CDH13: variants seen among roughly 807,000 people sequenced by gnomAD.
The protein encoded by CDH13 is cadherin-13.
Under a neutral mutation model 63.8 loss-of-function variants are expected in CDH13, and 24 were observed. The ratio of observed to expected loss-of-function variants is 0.38; its 90% CI spans 0.27 to 0.53. CDH13 has a LOEUF of 0.53. Among genes scored for constraint, CDH13 ranks in the 20% least tolerant of loss-of-function variants. The probability of loss-of-function intolerance (pLI) is 0.85; values close to 1 mark genes in which losing one functional copy is unlikely to be tolerated. For synonymous variants in CDH13, 503 were observed against 355.3 expected, an observed-to-expected ratio of 1.42 and a Z score of -4.67; for missense variants, 1,049 against 903.1, an observed-to-expected ratio of 1.16 and a Z score of -2.07.
rs139605236 is a variant in CDH13, at chr16:82,894,413, G to T, written c.157+35940G>T. Among the ~76,000 whole-genome samples, 7 of 152,256 alleles carry T rather than the reference G, an allele frequency of 4.6e-5. 2 individuals are homozygous for T. The highest frequency in any genetic ancestry group is 1.7e-4 in the African/African-American group (7 of 41,566). ...TCCCAGCACTTTGAGAGGCTGAGGC[G>T]AGTGGATCACCTGAAGTCAAGAGTT... On this transcript the variant is annotated intron_variant, in intron 2 of 13. Coordinates refer to ENST00000567109, the MANE Select transcript of CDH13 (RefSeq NM_001257.5).
chr16:82,873,058 T>G (rs776454858), intron 2 of CDH13, among the ~76,000 whole-genome samples: 3 of 152,202 alleles, frequency 2.0e-5, no homozygotes, highest in Non-Finnish European at 4.4e-5. Flanking sequence ...TAGAGATTTC[T>G]GCATGGCTGC....
intron 5 of CDH13, among the ~76,000 whole-genome samples, chr16:83,262,622 C>G (rs931401647): frequency 5.3e-5 from 8 of 151,948 alleles, no homozygotes; most frequent in African/African-American, 1.9e-4. Context: ...AAAGGACTGT[C>G]TGAATTTGAA....
chr16:83,496,680 G>C (rs530688354), intron 7 of CDH13, among the ~76,000 whole-genome samples: 1 of 152,292 alleles, frequency 6.6e-6, no homozygotes, highest in South Asian at 2.1e-4. Context: ...TTAAACGAAA[G>C]AGCTTCTGCA....
intron 1 of CDH13, among the ~76,000 whole-genome samples, chr16:82,737,187 CTCA>C (rs1425245069): frequency 6.6e-6 from 1 of 152,216 alleles, no homozygotes; most frequent in Non-Finnish European, 1.5e-5. Flanking sequence ...GGCATGTGAA[CTCA>C]TCATATCAGG....
chr16:82,804,288 CA>C (rs2037031046), intron 1 of CDH13, among the ~76,000 whole-genome samples: 4 of 141,226 alleles, frequency 2.8e-5, no homozygotes, highest in African/African-American at 1.1e-4. Flanking sequence ...CACACACACA[CA>C]CACACACACA....
intron 3 of CDH13, among the ~76,000 whole-genome samples, chr16:83,055,557 C>T (rs1462705466): frequency 6.7e-6 from 1 of 149,974 alleles, no homozygotes; most frequent in Non-Finnish European, 1.5e-5. Context: ...CCAAAGCATA[C>T]CAAAAAAAAA....
intron 4 of CDH13, among the ~76,000 whole-genome samples, chr16:83,179,481 T>TTAAAAAAAAAAAAA (rs1555508652): frequency 1.4e-5 from 1 of 69,096 alleles, no homozygotes; most frequent in Non-Finnish European, 2.8e-5. Context: ...CCGTCTCTAC[T>TTAAAAAAAAAAAAA]AAAAAAAAAA....
intron 2 of CDH13, among the ~76,000 whole-genome samples, chr16:82,896,276 A>ATTTGTTTTTTGTTTTTTTTTTT: frequency 1.1e-5 from 1 of 87,816 alleles, no homozygotes; most frequent in Non-Finnish European, 2.2e-5. Context: ...TAGGATTAGG[A>ATTTGTTTTTTGTTTTTTTTTTT]TTTTTTTTTT....
At position 83,448,414 on chromosome 16, in the gene CDH13, C is replaced by T. The variant is rs577794826; in HGVS notation, c.782-38063C>T. On this transcript the variant is annotated intron_variant, in intron 6 of 13. Coordinates refer to ENST00000567109, the MANE Select transcript of CDH13 (RefSeq NM_001257.5). Reference sequence around the variant, plus strand: ...GAGGGTTCAGCAGTTCTGTGCATGACACTGGGTCAGATCTCTTCCCTAGAA... The same window carrying T: ...GAGGGTTCAGCAGTTCTGTGCATGATACTGGGTCAGATCTCTTCCCTAGAA... Among the ~76,000 whole-genome samples the T allele has an allele frequency of 6.6e-4, 100 of 152,274 alleles. 1 individual carries two copies. The highest frequency in any genetic ancestry group is 2.4e-3 in the African/African-American group (98 of 41,566).
chr16:83,126,944 A>C (rs1323399907), intron 4 of CDH13, among the ~76,000 whole-genome samples: 1 of 152,206 alleles, frequency 6.6e-6, no homozygotes, highest in Admixed American at 6.5e-5. Flanking sequence ...TGTGAAAAAA[A>C]GAGCAAATGG....
intron 2 of CDH13, among the ~76,000 whole-genome samples, chr16:82,979,016 C>T (rs1293001541): frequency 6.6e-6 from 1 of 152,220 alleles, no homozygotes. Context: ...CCTCTAGCAT[C>T]ATCATGCCCT....
intron 1 of CDH13, among the ~76,000 whole-genome samples, chr16:82,674,338 A>G (rs984778503): frequency 1.3e-5 from 2 of 152,218 alleles, no homozygotes; most frequent in African/African-American, 2.4e-5. Context: ...GTACCTACAA[A>G]TAATATTGTA....
chr16:82,836,901 C>T (rs1367116060), intron 1 of CDH13, among the ~76,000 whole-genome samples: 1 of 152,208 alleles, frequency 6.6e-6, no homozygotes, highest in Non-Finnish European at 1.5e-5. Context: ...TATGCAGTCC[C>T]TTTAAAGGGA....
rs569920512 is a variant in CDH13, at chr16:83,787,369, C to G, written c.2134+3897C>G. On this transcript the variant is annotated intron_variant, in intron 13 of 13. Transcript: ENST00000567109. ...TTAAAAACGTGAAAACCCTTCTTTG[C>G]CTGGGAGCTATCCAAACACGGACTT... is the stretch of plus-strand genomic sequence containing the variant. Among the ~76,000 whole-genome samples the G allele has an allele frequency of 2.6e-5, 4 of 152,256 alleles. No individual in the cohort carries two copies. The South Asian group carries it at 8.3e-4, about 32-fold the overall frequency.
chr16:82,769,838 G>A (rs958436483), intron 1 of CDH13, among the ~76,000 whole-genome samples: 8 of 152,202 alleles, frequency 5.3e-5, no homozygotes, highest in Admixed American at 5.2e-4. Flanking sequence ...AATTCAGTTG[G>A]AAACAATGGA....
At position 83,799,504 on chromosome 16, in the gene CDH13, C is replaced by A. The variant is rs1904304028; in HGVS notation, c.*4474C>A. 6.6e-6 allele frequency: 1 copy of A among 151,918 alleles called. No homozygotes were observed. Among genetic ancestry groups the A allele is most frequent in the African/African-American group, 2.4e-5 (1 of 41,344 alleles). 9.4% of individuals were successfully genotyped at this position (151,918 alleles called of 1,614,324 possible). On this transcript the variant is annotated 3_prime_UTR_variant, in exon 14 of 14. Transcript: ENST00000567109. ...GTAGTTGCTGATTTTGTAAAGGTAG[C>A]CCATAAATCTGTTTACGTGTAGCTG...
chr16:83,032,536 G>C (rs1278543927), intron 3 of CDH13, among the ~76,000 whole-genome samples: 1 of 152,064 alleles, frequency 6.6e-6, no homozygotes, highest in Non-Finnish European at 1.5e-5. Context: ...CCTTTTATTA[G>C]ATGTATTGAG....
rs548215197 is a variant in CDH13, at chr16:83,536,736, A to G, written c.960+50081A>G. Among the ~76,000 whole-genome samples the G allele has an allele frequency of 1.1e-3, 174 of 152,346 alleles. 1 individual carries two copies. The highest frequency in any genetic ancestry group is 4.1e-3 in the African/African-American group (169 of 41,588). On this transcript the variant is annotated intron_variant, in intron 7 of 13. Coordinates refer to ENST00000567109, the MANE Select transcript of CDH13 (RefSeq NM_001257.5). ...GAGAAATGTCCACTAGGGGACTACCATATTGGTTCAAACAAGAGACAGCAA... is the reference window on the plus strand; with the variant it reads ...GAGAAATGTCCACTAGGGGACTACCGTATTGGTTCAAACAAGAGACAGCAA...
intron 8 of CDH13, chr16:83,655,208 C>T (rs749094518): frequency 6.6e-6 from 1 of 152,232 alleles, no homozygotes; most frequent in Non-Finnish European, 1.5e-5. Context: ...CTGTCTGATC[C>T]TTCCAGCCTG....
Sources: allele counts gnomAD v4.1 joint callset (sites outside exome capture counted in the v4.1 genomes callset), GRCh38; gene constraint gnomAD v4.1.1; transcripts MANE v1.5; gene names NCBI Gene and HGNC (gene_info 2026-07-23, HGNC 2026-07-21).